The following SBF2 variants were observed in gnomAD, a reference collection of about 807,000 sequenced individuals.
SBF2 encodes myotubularin-related protein 13.
Under a neutral mutation model 225.2 loss-of-function variants are expected in SBF2, and 112 were observed. That is an observed-to-expected ratio of 0.50 (90% confidence interval 0.43 to 0.58). SBF2 has a LOEUF of 0.58. Ranked by LOEUF, SBF2 falls within the 20% of genes least tolerant of loss-of-function variation. The pLI, the probability that SBF2 is intolerant of heterozygous loss-of-function variation, is 0.00. For missense variants in SBF2, 1,996 were observed against 2,206.2 expected (o/e 0.90, Z 1.91); for synonymous variants, 763 against 773.3 (o/e 0.99, Z 0.22).
intron 17 of SBF2, among the ~76,000 whole-genome samples, chr11:9,884,593 C>T (rs1025572466): frequency 1.3e-5 from 2 of 152,180 alleles, no homozygotes; most frequent in African/African-American, 4.8e-5. Context: ...CCTAAGGTTG[C>T]AAATTTCACT....
intron 16 of SBF2, among the ~76,000 whole-genome samples, chr11:9,904,263 T>C (rs1861952250): frequency 6.6e-6 from 1 of 152,104 alleles, no homozygotes. Flanking sequence ...TGAAAAAATA[T>C]GTACCAGGCA....
intron 2 of SBF2, among the ~76,000 whole-genome samples, chr11:10,142,824 T>A (rs928414110): frequency 2.1e-4 from 32 of 152,362 alleles, no homozygotes; most frequent in Admixed American, 1.3e-3. Context: ...ATTTCACTTC[T>A]GTTTGAGGAA....
intron 1 of SBF2, among the ~76,000 whole-genome samples, chr11:10,262,270 A>C (rs973481507): frequency 5.3e-5 from 8 of 152,222 alleles, no homozygotes; most frequent in Non-Finnish European, 7.4e-5. Context: ...AACAGGTATA[A>C]TAAAATGTTA....
intron 31 of SBF2, 21 bp downstream of exon 31, chr11:9,808,880 A>G: frequency 6.5e-7 from 1 of 1,533,636 alleles, no homozygotes; most frequent in African/African-American, 1.4e-5. Flanking sequence ...AAAATATCAA[A>G]AAATATGTCT....
intron 2 of SBF2, among the ~76,000 whole-genome samples, chr11:10,123,305 G>A (rs189192919): frequency 1.3e-5 from 2 of 152,128 alleles, no homozygotes; most frequent in African/African-American, 2.4e-5. Context: ...ATTTATTTGA[G>A]TACAAAATAT....
rs757323907 is a variant in SBF2, at chr11:9,853,614, C to A, written c.2462G>T (p.Arg821Leu). ...IANSVVRFITRFIDKVCTESG... is the reference protein window; with the variant it reads ...IANSVVRFITLFIDKVCTESG... ...CTCTGTACAAACTTTGTCAATAAAT[C>A]GGGTAATGAACCGCACAACAGAATT... The change falls in exon 20 of 40, where the codon CGA (arginine) becomes CTA (leucine). Residue 821 changes from arginine to leucine, a missense_variant. Transcript: ENST00000256190. The A allele has an allele frequency of 6.2e-7, 1 of 1,613,800 alleles. No homozygotes were observed. The highest frequency in any genetic ancestry group is 8.5e-7 in the Non-Finnish European group (1 of 1,179,944).
chr11:9,791,077 CTCTTT>C (rs952371046), intron 33 of SBF2: 3 of 182,498 alleles, frequency 1.6e-5, no homozygotes, highest in African/African-American at 7.2e-5. Context: ...TTTTATGTTT[CTCTTT>C]TAAGTTGTTG....
intron 2 of SBF2, among the ~76,000 whole-genome samples, chr11:10,069,431 C>T (rs10840357): frequency 0.46 from 70,090 of 151,262 alleles, 16,584 homozygotes; most frequent in Admixed American, 0.56. Context: ...GTCTTTGTTA[C>T]AGTTTGCTAA....
intron 6 of SBF2, among the ~76,000 whole-genome samples, chr11:10,024,086 A>G (rs1948962093): frequency 6.6e-6 from 1 of 152,182 alleles, no homozygotes. Context: ...TGCCGTATAT[A>G]ATTTTTCTGA....
At chr11:9,785,404 A>G (rs1249125022) in intron 36 of SBF2, 86 bp from the exon 37 acceptor site, 1 of 1,146,436 alleles carries the variant, frequency 8.7e-7, no homozygotes, top group Admixed American at 1.7e-5. Context: ...TATTTATCTC[A>G]AGGAAAAAAC....
intron 6 of SBF2, among the ~76,000 whole-genome samples, chr11:10,022,261 A>G (rs11042591): frequency 0.055 from 8,390 of 152,270 alleles, 501 homozygotes; most frequent in East Asian, 0.18. Flanking sequence ...AAAGCATAGG[A>G]TAGAATTTCT....
intron 2 of SBF2, among the ~76,000 whole-genome samples, chr11:10,152,258 C>T (rs936727565): frequency 1.3e-5 from 2 of 152,086 alleles, no homozygotes; most frequent in Admixed American, 1.3e-4. Flanking sequence ...AATTAGAAAA[C>T]ACCCCATATA....
At chr11:9,981,585 A>C (rs1484985124) in intron 13 of SBF2, among the ~76,000 whole-genome samples, 1 of 152,216 alleles carries the variant, frequency 6.6e-6, no homozygotes, top group Non-Finnish European at 1.5e-5. Flanking sequence ...TTAATGTTCA[A>C]TTCTATATTT....
At chr11:9,981,329 G>A (rs988841788) in intron 13 of SBF2, among the ~76,000 whole-genome samples, 2 of 152,074 alleles carry the variant, frequency 1.3e-5, no homozygotes, top group Non-Finnish European at 2.9e-5. Flanking sequence ...AGGGAAAGGG[G>A]TGAAAAGTGA....
chr11:10,288,430 C>T (rs1963938565), intron 1 of SBF2, among the ~76,000 whole-genome samples: 1 of 152,130 alleles, frequency 6.6e-6, no homozygotes, highest in Admixed American at 6.5e-5. Context: ...GAGAGGGTAG[C>T]TCCTTTATGC....
intron 1 of SBF2, among the ~76,000 whole-genome samples, chr11:10,238,699 G>A (rs1249667234): frequency 6.6e-6 from 1 of 150,696 alleles, no homozygotes; most frequent in Non-Finnish European, 1.5e-5. Context: ...GATCACCTGA[G>A]GTCAGGAGTT....
At chr11:10,050,249 T>C (rs1227703048) in intron 2 of SBF2, among the ~76,000 whole-genome samples, 1 of 152,178 alleles carries the variant, frequency 6.6e-6, no homozygotes, top group Non-Finnish European at 1.5e-5. Context: ...ACCAAATATA[T>C]TTGACTTCTC....
chr11:10,045,458 C>T (rs1244505071), intron 2 of SBF2, among the ~76,000 whole-genome samples: 1 of 152,180 alleles, frequency 6.6e-6, no homozygotes, highest in Non-Finnish European at 1.5e-5. Flanking sequence ...TGAGCCACTG[C>T]ACCCGGCCTA....
At chr11:9,937,779 T>A (rs1028905623) in intron 16 of SBF2, among the ~76,000 whole-genome samples, 2 of 152,034 alleles carry the variant, frequency 1.3e-5, no homozygotes, top group African/African-American at 2.4e-5. Flanking sequence ...AGGTATTAAA[T>A]AAGTATGTAA....
Sources: allele counts gnomAD v4.1 joint callset (sites outside exome capture counted in the v4.1 genomes callset), GRCh38; gene constraint gnomAD v4.1.1; transcripts MANE v1.5; gene names NCBI Gene and HGNC (gene_info 2026-07-23, HGNC 2026-07-21).